PIGN: variants seen among roughly 807,000 people sequenced by gnomAD.
The protein encoded by PIGN is GPI ethanolamine phosphate transferase 1.
PIGN carries 117 observed loss-of-function variants against 125.4 expected under a neutral mutation model. The observed-to-expected ratio is 0.93, with a 90% CI of 0.80 to 1.09. The LOEUF (loss-of-function observed/expected upper bound fraction) is 1.09. Among genes scored for constraint, PIGN ranks in the 50% least tolerant of loss-of-function variants. The pLI is 0.00. For missense variants in PIGN, 1,075 were observed against 1,094.9 expected, an observed-to-expected ratio of 0.98 and a Z score of 0.26; for synonymous variants, 392 against 377.8, an observed-to-expected ratio of 1.04 and a Z score of -0.44.
Position 62,044,126 on chromosome 18 carries a change from A to G in PIGN, c.*1730T>C, listed in dbSNP as rs2030493762. 1 of 152,200 alleles carries G rather than the reference A, an allele frequency of 6.6e-6. No individual in the cohort carries two copies. Among genetic ancestry groups the G allele is most frequent in the African/African-American group, 2.4e-5 (1 of 41,432 alleles). The allele number at this position is 152,200 out of a possible 1,614,324, so 9.4% of individuals were successfully genotyped here. A position where few individuals can be genotyped will look rare whatever the true frequency, so the allele number is the denominator to read the frequency against. Reference sequence around the variant, plus strand: ...TATGATACTGTCAGAAGGAAGTTCAACCTATTCTACAGACTCACACTGACC... The same window carrying G: ...TATGATACTGTCAGAAGGAAGTTCAGCCTATTCTACAGACTCACACTGACC... On this transcript the variant is annotated 3_prime_UTR_variant, in exon 31 of 31. Coordinates refer to ENST00000640252, the MANE Select transcript of PIGN (RefSeq NM_176787.5).
At chr18:62,082,559 TA>T in intron 28 of PIGN, 113 bp downstream of exon 28, 1 of 535,216 alleles carries the variant, frequency 1.9e-6, no homozygotes, top group Non-Finnish European at 3.3e-6. Flanking sequence ...ATTTTTGTAA[TA>T]AACAATCTAT....
At chr18:62,120,922 AAAC>A in intron 14 of PIGN, among the ~76,000 whole-genome samples, 1 of 152,208 alleles carries the variant, frequency 6.6e-6, no homozygotes, top group East Asian at 1.9e-4. Flanking sequence ...ATAAAAAAAC[AAAC>A]AACAAAGTCA....
chr18:62,176,629 T>G lies in PIGN; in HGVS notation c.-236+10215A>C, dbSNP rs549636750. 4.6e-5 allele frequency among the ~76,000 whole-genome samples: 7 copies of G among 151,606 alleles called. No individual in the cohort carries two copies. In the South Asian group the frequency reaches 8.4e-4, roughly 18 times the overall value. Reference sequence around the variant, plus strand: ...ATGTGGTATTCTTGTTAAAAATGTATAATCTCAATCTAATAATGGTAATAT... The same window carrying G: ...ATGTGGTATTCTTGTTAAAAATGTAGAATCTCAATCTAATAATGGTAATAT... On this transcript the variant is annotated intron_variant, in intron 1 of 30. Transcript: ENST00000640252.
chr18:62,131,396 T>C (rs2035732205), intron 14 of PIGN, among the ~76,000 whole-genome samples: 1 of 152,176 alleles, frequency 6.6e-6, no homozygotes, highest in African/African-American at 2.4e-5. Flanking sequence ...TTAAATTATT[T>C]CTTGTCTTAC....
Position 62,113,219 on chromosome 18 carries a change from C to T in PIGN, c.1349G>A (p.Gly450Asp). 1.2e-6 allele frequency: 2 copies of T among 1,612,992 alleles called. No homozygotes were observed. The change falls in exon 16 of 31, where the codon GGT (glycine) becomes GAT (aspartate). Residue 450 changes from glycine (G) to aspartate (D), a missense_variant. By Grantham distance (94) the Gly-to-Asp change is moderately conservative. Coordinates refer to ENST00000640252, the MANE Select transcript of PIGN (RefSeq NM_176787.5). ...RFFLGVNVVI[G>D]FVGWISYASL... is the part of the protein sequence containing the mutation. ...GGCATAAGATATCCATCCCACAAAA[C>T]CAATAACAACATTGACGCCCAAAAA...
chr18:62,121,573 C>T (rs886747843), intron 14 of PIGN, among the ~76,000 whole-genome samples: 2 of 152,022 alleles, frequency 1.3e-5, no homozygotes, highest in African/African-American at 4.8e-5. Flanking sequence ...AAGAACATTT[C>T]CTATCTATTT....
chr18:62,148,094 T>C, intron 8 of PIGN, 120 bp downstream of exon 8: 2 of 702,284 alleles, frequency 2.8e-6, no homozygotes, highest in Non-Finnish European at 4.4e-6. Flanking sequence ...TAATAAACAT[T>C]ACAGTAGTTG....
chr18:62,167,286 ATGTGTGTGTGTGTGTGTG>A (rs61310777), intron 1 of PIGN, among the ~76,000 whole-genome samples: 3,935 of 139,396 alleles, frequency 0.028, 195 homozygotes, highest in African/African-American at 0.099. Flanking sequence ...AGAGATATAT[ATGTGTGTGTGTGTGTGTG>A]TGTGTGTGTG....
intron 6 of PIGN, 61 bp from the exon 7 acceptor site, chr18:62,154,712 A>G: frequency 1.2e-6 from 1 of 827,070 alleles, no homozygotes; most frequent in South Asian, 1.4e-5. Context: ...ATCATAAAAT[A>G]TGAGCTAGTC....
intron 27 of PIGN, among the ~76,000 whole-genome samples, chr18:62,083,856 G>T (rs2033565024): frequency 6.6e-6 from 1 of 152,124 alleles, no homozygotes. Flanking sequence ...CTATTAAGAT[G>T]ACACCTTTAA....
chr18:62,053,801 T>C (rs2031508319), intron 30 of PIGN, among the ~76,000 whole-genome samples: 2 of 152,194 alleles, frequency 1.3e-5, no homozygotes, highest in South Asian at 2.1e-4. Context: ...GCAGAATACA[T>C]GCTCTTTTCA....
intron 23 of PIGN, among the ~76,000 whole-genome samples, chr18:62,019,871 C>G (rs561165448): frequency 6.6e-6 from 1 of 152,258 alleles, no homozygotes; most frequent in Non-Finnish European, 1.5e-5. Context: ...ATAACCCTTT[C>G]TGACTTTAGG....
intron 20 of PIGN, 75 bp downstream of exon 20, chr18:62,105,468 G>A (rs932417375): frequency 2.5e-6 from 2 of 803,810 alleles, no homozygotes; most frequent in Non-Finnish European, 4.1e-6. Flanking sequence ...ACCAAGATTA[G>A]GTTCAAATTT....
In PIGN at chr18:62,146,975, G is replaced by T; in HGVS notation, c.801C>A (p.Asp267Glu). ...ATCAATTAAAGACACACTAACCCCAGTCTGTCATTCCATGGTCAGAGGTAA... is the reference window on the plus strand; with the variant it reads ...ATCAATTAAAGACACACTAACCCCATTCTGTCATTCCATGGTCAGAGGTAA... Reference protein sequence around the residue: ...FIFTSDHGMTDWGSHGAGHPS... With the variant: ...FIFTSDHGMTEWGSHGAGHPS... The change falls in exon 9 of 31, where the codon GAC (aspartate) becomes GAA (glutamate). Residue 267 changes from aspartate to glutamate, a missense_variant. This residue lies in a region of PIGN where 915 missense variants were observed against 908.7 expected (regional missense o/e 1.01). Transcript: ENST00000640252. 6.2e-7 allele frequency: 1 copy of T among 1,611,588 alleles called. No individual in the cohort carries two copies. Among genetic ancestry groups the T allele is most frequent in the Non-Finnish European group, 8.5e-7 (1 of 1,178,242 alleles).
chr18:62,056,759 G>A (rs2031756259), intron 30 of PIGN: 1 of 152,248 alleles, frequency 6.6e-6, no homozygotes, highest in African/African-American at 2.4e-5. Context: ...CACACAGCAG[G>A]AGGTGAGCGG....
rs2036409771 is a variant in PIGN at position 62,148,308 on chromosome 18, A to C, written c.580T>G (p.Ser194Ala). 2 of 1,527,246 alleles carry C rather than the reference A, an allele frequency of 1.3e-6. No individual in the cohort carries two copies. The highest frequency in any genetic ancestry group is 2.8e-5 in the African/African-American group (2 of 72,240). The allele number at this position is 1,527,246 out of a possible 1,614,324, so 94.6% of individuals were successfully genotyped here. The change falls in exon 8 of 31, where the codon TCT (serine) becomes GCT (alanine). Residue 194 changes from serine to alanine, a missense_variant. By Grantham distance (99) the Ser-to-Ala change is moderately conservative (BLOSUM62 1). Coordinates refer to ENST00000640252, the MANE Select transcript of PIGN (RefSeq NM_176787.5). ...TCTTCATTTATTTTAGAAAACAAAG[A>C]CTGGTTGTTTCTGGCATGATGAAAG... is the stretch of plus-strand genomic sequence containing the variant. ...DFFHHARNNQ[S>A]LFSKINEEKI...
chr18:62,023,463 T>C (rs1455950435), intron 23 of PIGN, among the ~76,000 whole-genome samples: 4 of 152,252 alleles, frequency 2.6e-5, no homozygotes, highest in African/African-American at 9.6e-5. Context: ...ATTTTGCTCA[T>C]CCATTCAATG....
intron 17 of PIGN, among the ~76,000 whole-genome samples, chr18:62,108,636 G>C (rs1391385527): frequency 6.6e-6 from 1 of 151,598 alleles, no homozygotes; most frequent in Non-Finnish European, 1.5e-5. Flanking sequence ...TGTCGCTCAG[G>C]CTGGAGTGCA....
intron 14 of PIGN, chr18:62,137,216 T>A: frequency 2.5e-6 from 1 of 400,908 alleles, no homozygotes; most frequent in East Asian, 3.6e-5. Context: ...AACATCAGAC[T>A]CCGAATTCTT....
Sources: allele counts gnomAD v4.1 joint callset (sites outside exome capture counted in the v4.1 genomes callset), GRCh38; gene constraint gnomAD v4.1.1; regional missense constraint gnomAD v4.1.1; transcripts MANE v1.5; gene names NCBI Gene and HGNC (gene_info 2026-07-23, HGNC 2026-07-21).